CDH13: variants seen among roughly 807,000 people sequenced by gnomAD.
CDH13 encodes cadherin 13, also known as cadherin-13.
A neutral mutation model predicts 63.8 loss-of-function variants in CDH13; 24 were observed. The observed-to-expected ratio is 0.38, with a 90% CI of 0.27 to 0.53. The LOEUF is 0.53. Ranked by LOEUF, CDH13 falls within the 20% of genes least tolerant of loss-of-function variation. The pLI, the probability that CDH13 is intolerant of heterozygous loss-of-function variation, is 0.85. For synonymous variants in CDH13, 503 were observed against 355.3 expected (o/e 1.42, Z -4.67); for missense variants, 1,049 against 903.1 (o/e 1.16, Z -2.07).
intron 5 of CDH13, among the ~76,000 whole-genome samples, chr16:83,246,826 T>C (rs1478813264): frequency 6.6e-6 from 1 of 152,212 alleles, no homozygotes; most frequent in Non-Finnish European, 1.5e-5. Context: ...CATTGCCGTC[T>C]GTTTCCTTCT....
Position 82,968,140 on chromosome 16 carries a change from G to T in CDH13, c.158-63870G>T, listed in dbSNP as rs143133310. Among the ~76,000 whole-genome samples, 489 of 152,238 alleles carry T rather than the reference G, an allele frequency of 3.2e-3. 1 individual carries two copies. The highest frequency in any genetic ancestry group is 5.4e-3 in the Non-Finnish European group (370 of 67,994). On this transcript the variant is annotated intron_variant, in intron 2 of 13. Transcript: ENST00000567109. ...AAGTTTCATTACTATGGTTTTATGG[G>T]TTCTTTTTTTATTCTGTAGGGTAAC...
At chr16:83,509,862 C>T (rs775687720) in intron 7 of CDH13, among the ~76,000 whole-genome samples, 2 of 152,136 alleles carry the variant, frequency 1.3e-5, no homozygotes, top group Non-Finnish European at 2.9e-5. Context: ...ATGGCACACA[C>T]GAGGAGTAAA....
At chr16:83,691,235 C>G (rs1272827282) in intron 10 of CDH13, among the ~76,000 whole-genome samples, 1 of 152,096 alleles carries the variant, frequency 6.6e-6, no homozygotes, top group African/African-American at 2.4e-5. Context: ...GGCAAAGTAA[C>G]TTGTGGGAGG....
At chr16:82,981,989 A>T (rs1235945165) in intron 2 of CDH13, among the ~76,000 whole-genome samples, 1 of 152,284 alleles carries the variant, frequency 6.6e-6, no homozygotes, top group East Asian at 1.9e-4. Context: ...GTTGCTTGCC[A>T]TTGGACTATT....
At chr16:83,725,527 C>A (rs1434932429) in intron 10 of CDH13, 1 of 152,424 alleles carries the variant, frequency 6.6e-6, no homozygotes, top group Non-Finnish European at 1.5e-5. Context: ...TATGATGTGT[C>A]CTGGTCACGG....
In CDH13 at chr16:83,679,703, A is replaced by G. The variant is rs1231402237; in HGVS notation, c.1538+1242A>G. Among the ~76,000 whole-genome samples, 4 of 152,328 alleles carry G rather than the reference A, an allele frequency of 2.6e-5. No homozygotes were observed. The East Asian group carries it at 7.7e-4, about 29-fold the overall frequency. On this transcript the variant is annotated intron_variant, in intron 10 of 13. Coordinates refer to ENST00000567109, the MANE Select transcript of CDH13 (RefSeq NM_001257.5). ...GAGAGAGTCTTTCTTAAGTACTTAGATGGGAAAACTCGTAGCTTAACAGAC... is the reference window on the plus strand; with the variant it reads ...GAGAGAGTCTTTCTTAAGTACTTAGGTGGGAAAACTCGTAGCTTAACAGAC...
intron 8 of CDH13, among the ~76,000 whole-genome samples, chr16:83,623,701 G>A (rs1700849602): frequency 6.6e-6 from 1 of 152,088 alleles, no homozygotes; most frequent in African/African-American, 2.4e-5. Context: ...ACCACGCACT[G>A]GCCTCTCACA....
At chr16:82,959,303 C>T (rs949302907) in intron 2 of CDH13, among the ~76,000 whole-genome samples, 1 of 152,194 alleles carries the variant, frequency 6.6e-6, no homozygotes, top group Non-Finnish European at 1.5e-5. Flanking sequence ...TCATTTCACT[C>T]AAACCTGCAT....
At chr16:82,691,656 G>T (rs1915659038) in intron 1 of CDH13, among the ~76,000 whole-genome samples, 1 of 152,140 alleles carries the variant, frequency 6.6e-6, no homozygotes, top group Non-Finnish European at 1.5e-5. Flanking sequence ...TAAGCCTGTT[G>T]TACTATTAGG....
intron 2 of CDH13, among the ~76,000 whole-genome samples, chr16:82,935,711 C>G (rs1204319267): frequency 1.3e-5 from 2 of 152,094 alleles, no homozygotes; most frequent in African/African-American, 4.8e-5. Context: ...CACCTCCTGT[C>G]AGATTGGTAG....
intron 2 of CDH13, among the ~76,000 whole-genome samples, chr16:82,989,043 A>T (rs953690396): frequency 6.6e-6 from 1 of 152,180 alleles, no homozygotes; most frequent in African/African-American, 2.4e-5. Flanking sequence ...GTGAACTACT[A>T]AGTTAATTTG....
At chr16:83,132,456 T>TCC (rs2036099208) in intron 4 of CDH13, among the ~76,000 whole-genome samples, 1 of 28,502 alleles carries the variant, frequency 3.5e-5, no homozygotes, top group African/African-American at 1.3e-4. Flanking sequence ...CCCCCCCCTT[T>TCC]TTTTTTTTTT....
intron 2 of CDH13, among the ~76,000 whole-genome samples, chr16:82,916,666 C>T (rs530505837): frequency 1.5e-4 from 23 of 151,694 alleles, no homozygotes; most frequent in African/African-American, 5.3e-4. Flanking sequence ...GTAGCATATT[C>T]GGGAGGTTTA....
chr16:82,860,288 C>T (rs575589423), intron 2 of CDH13, among the ~76,000 whole-genome samples: 13 of 146,786 alleles, frequency 8.9e-5, no homozygotes, highest in African/African-American at 2.8e-4. Flanking sequence ...GTTTTTAATT[C>T]GCTGCTGAGA....
At chr16:83,739,532 C>A (rs896753860) in intron 10 of CDH13, among the ~76,000 whole-genome samples, 2 of 152,108 alleles carry the variant, frequency 1.3e-5, no homozygotes, top group Non-Finnish European at 2.9e-5. Flanking sequence ...ATCACTGAAC[C>A]TGGGAGTGGT....
chr16:82,635,097 G>A (rs1257338285), intron 1 of CDH13, among the ~76,000 whole-genome samples: 1 of 152,202 alleles, frequency 6.6e-6, no homozygotes, highest in South Asian at 2.1e-4. Context: ...TTTTGCCTAG[G>A]TGTTCTTTGT....
chr16:83,500,259 T>C (rs1038860266), intron 7 of CDH13, among the ~76,000 whole-genome samples: 32 of 3,008 alleles, frequency 0.011, no homozygotes, highest in South Asian at 0.071. Context: ...CTTCTTCTTC[T>C]TCTTCTTCTT....
chr16:83,776,622 G>C (rs960125976), intron 11 of CDH13, among the ~76,000 whole-genome samples: 7 of 152,148 alleles, frequency 4.6e-5, no homozygotes, highest in African/African-American at 1.7e-4. Context: ...TCACTGCTCA[G>C]CTTCCTTTAA....
intron 2 of CDH13, among the ~76,000 whole-genome samples, chr16:82,930,371 A>G (rs572230737): frequency 1.3e-5 from 2 of 152,284 alleles, no homozygotes; most frequent in South Asian, 2.1e-4. Context: ...AACAGCTAAC[A>G]TTTAACAGAG....
Sources: gnomAD v4.1 joint callset for allele counts (sites outside exome capture counted in the v4.1 genomes callset) on GRCh38, gnomAD v4.1.1 for gene constraint, MANE v1.5 for transcripts, NCBI Gene and HGNC (gene_info 2026-07-23, HGNC 2026-07-21) for gene names.